Variants in PTPRO observed in about 807,000 individuals in gnomAD.
PTPRO encodes the protein protein tyrosine phosphatase receptor type O.
In PTPRO, 62 loss-of-function variants were observed where a neutral mutation model predicts 145.2. The observed-to-expected ratio is 0.43, with a 90% CI of 0.35 to 0.53. The LOEUF (loss-of-function observed/expected upper bound fraction) is 0.53, where lower values mean the gene tolerates loss of function less well. Among genes scored for constraint, PTPRO ranks in the 20% least tolerant of loss-of-function variants. The pLI, the probability that PTPRO is intolerant of heterozygous loss-of-function variation, is 0.01. For missense variants in PTPRO, 1,345 were observed against 1,482.7 expected, an observed-to-expected ratio of 0.91 and a Z score of 1.53; for synonymous variants, 565 against 514.7, an observed-to-expected ratio of 1.10 and a Z score of -1.32.
At chr12:15,437,480 G>A (rs929515051) in intron 1 of PTPRO, among the ~76,000 whole-genome samples, 1 of 151,994 alleles carries the variant, frequency 6.6e-6, no homozygotes, top group Non-Finnish European at 1.5e-5. Flanking sequence ...CAGACATTCT[G>A]AGCATACAGT....
intron 24 of PTPRO, 171 bp downstream of exon 24, chr12:15,587,222 T>G: frequency 1.3e-6 from 1 of 742,214 alleles, no homozygotes. Context: ...TATTCTGGCT[T>G]TCCTGTATCT....
chr12:15,581,913 C>T, intron 23 of PTPRO, 112 bp downstream of exon 23: 1 of 1,387,470 alleles, frequency 7.2e-7, no homozygotes, highest in Non-Finnish European at 1.0e-6. Flanking sequence ...GACACACACA[C>T]AAAAATATCG....
At chr12:15,402,011 T>A (rs1939508122) in intron 1 of PTPRO, among the ~76,000 whole-genome samples, 1 of 152,190 alleles carries the variant, frequency 6.6e-6, no homozygotes, top group Admixed American at 6.5e-5. Flanking sequence ...GATTTGGTAT[T>A]CGTTTAACTA....
intron 17 of PTPRO, among the ~76,000 whole-genome samples, chr12:15,561,095 A>C (rs994101449): frequency 6.6e-6 from 1 of 152,126 alleles, no homozygotes; most frequent in Non-Finnish European, 1.5e-5. Flanking sequence ...AAAAGGTAGC[A>C]GTTTCCAGGG....
chr12:15,566,751 CCT>C (rs1449950773), intron 18 of PTPRO, among the ~76,000 whole-genome samples: 1 of 152,138 alleles, frequency 6.6e-6, no homozygotes, highest in Non-Finnish European at 1.5e-5. Flanking sequence ...GAACTCCTGA[CCT>C]CATGTGATCC....
intron 24 of PTPRO, among the ~76,000 whole-genome samples, chr12:15,588,298 A>C (rs1417799425): frequency 6.6e-6 from 1 of 152,226 alleles, no homozygotes; most frequent in African/African-American, 2.4e-5. Flanking sequence ...CTCAAGGTTT[A>C]TAGAGTGGGA....
intron 1 of PTPRO, among the ~76,000 whole-genome samples, chr12:15,480,870 T>A (rs1051975947): frequency 6.6e-6 from 1 of 152,196 alleles, no homozygotes; most frequent in Non-Finnish European, 1.5e-5. Context: ...CTGTCAAGTG[T>A]CAACTGCCCT....
intron 8 of PTPRO, among the ~76,000 whole-genome samples, chr12:15,516,015 G>A (rs1173453806): frequency 2.6e-5 from 3 of 116,366 alleles, no homozygotes; most frequent in Non-Finnish European, 5.0e-5. Flanking sequence ...TTTGGAGACA[G>A]AGTCTCGCTC....
intron 1 of PTPRO, among the ~76,000 whole-genome samples, chr12:15,425,439 T>TC (rs1940258683): frequency 6.6e-6 from 1 of 152,192 alleles, no homozygotes; most frequent in Non-Finnish European, 1.5e-5. Flanking sequence ...TACAAAGCCC[T>TC]GCTTTGAGCC....
intron 18 of PTPRO, among the ~76,000 whole-genome samples, chr12:15,567,753 A>G (rs193188285): frequency 1.3e-5 from 2 of 152,242 alleles, no homozygotes; most frequent in African/African-American, 4.8e-5. Context: ...ACAAGTTTGA[A>G]GTGGGAAAAG....
chr12:15,507,447 A>AACT (rs1741819961), intron 6 of PTPRO, among the ~76,000 whole-genome samples: 2 of 44,870 alleles, frequency 4.5e-5, no homozygotes, highest in Non-Finnish European at 1.2e-4. Flanking sequence ...ATAAATAAAT[A>AACT]AATAAGGAAT....
chr12:15,378,798 A>G (rs997541338), intron 1 of PTPRO, among the ~76,000 whole-genome samples: 8 of 152,200 alleles, frequency 5.3e-5, no homozygotes, highest in Non-Finnish European at 8.8e-5. Flanking sequence ...CATATATCTG[A>G]GAAAGAATCT....
chr12:15,399,415 C>T (rs1939428801), intron 1 of PTPRO, among the ~76,000 whole-genome samples: 1 of 152,126 alleles, frequency 6.6e-6, no homozygotes, highest in African/African-American at 2.4e-5. Flanking sequence ...ATTGTTGGAG[C>T]TAGGAGTTGA....
chr12:15,451,765 C>A (rs1941051834), intron 1 of PTPRO, among the ~76,000 whole-genome samples: 2 of 152,212 alleles, frequency 1.3e-5, no homozygotes, highest in African/African-American at 4.8e-5. Flanking sequence ...ACAATGAAAT[C>A]AAGACAAAAT....
chr12:15,511,666 A>G (rs4764202), intron 7 of PTPRO, among the ~76,000 whole-genome samples: 86,833 of 151,468 alleles, frequency 0.57, 26,119 homozygotes, highest in Admixed American at 0.66. Context: ...CCTGGGTTCA[A>G]GCGATTCTCC....
At chr12:15,348,843 C>T (rs1028377711) in intron 1 of PTPRO, among the ~76,000 whole-genome samples, 1 of 151,978 alleles carries the variant, frequency 6.6e-6, no homozygotes. Flanking sequence ...CTTCTGACAC[C>T]TTGATTTTAG....
chr12:15,340,477 C>G (rs1431788728), intron 1 of PTPRO, among the ~76,000 whole-genome samples: 2 of 152,126 alleles, frequency 1.3e-5, no homozygotes, highest in Non-Finnish European at 2.9e-5. Context: ...CTTGCGGTTT[C>G]TTTTTTCTGT....
intron 1 of PTPRO, among the ~76,000 whole-genome samples, chr12:15,461,507 A>T (rs968441915): frequency 4.7e-5 from 7 of 149,110 alleles, no homozygotes; most frequent in African/African-American, 9.9e-5. Context: ...TTTTGTCAAC[A>T]TCTTCATCTC....
At chr12:15,551,424 T>A in intron 14 of PTPRO, 127 bp from the exon 15 acceptor site, 1 of 1,237,946 alleles carries the variant, frequency 8.1e-7, no homozygotes, top group Non-Finnish European at 1.2e-6. Context: ...TTGGGGAACA[T>A]GATTGTTACT....
Sources: allele counts gnomAD v4.1 joint callset (sites outside exome capture counted in the v4.1 genomes callset), GRCh38; gene constraint gnomAD v4.1.1; transcripts MANE v1.5; gene names NCBI Gene and HGNC (gene_info 2026-07-23, HGNC 2026-07-21).